LRRC4C: variants seen among roughly 807,000 people sequenced by gnomAD.
LRRC4C encodes leucine-rich repeat-containing protein 4C.
In LRRC4C, 5 loss-of-function variants were observed where a neutral mutation model predicts 33.6. The observed-to-expected ratio is 0.15, with a 90% CI of 0.08 to 0.31. The LOEUF is 0.31. Ranked by LOEUF, LRRC4C falls within the 10% of genes least tolerant of loss-of-function variation. The probability of loss-of-function intolerance (pLI) is 1.00; values close to 1 mark genes in which losing one functional copy is unlikely to be tolerated. For missense variants in LRRC4C, 560 were observed against 796.7 expected (o/e 0.70, Z 3.58); for synonymous variants, 329 against 302.0 (o/e 1.09, Z -0.93).
chr11:40,313,690 C>G (rs1401648577), intron 4 of LRRC4C, among the ~76,000 whole-genome samples: 3 of 149,088 alleles, frequency 2.0e-5, no homozygotes, highest in Non-Finnish European at 4.4e-5. Flanking sequence ...TCACTGCAAG[C>G]TCCACCTTCC....
At chr11:40,368,845 G>T (rs1948328149) in intron 3 of LRRC4C, among the ~76,000 whole-genome samples, 1 of 152,100 alleles carries the variant, frequency 6.6e-6, no homozygotes. Context: ...TGTAAAAATT[G>T]TGTCACCTTG....
chr11:41,155,692 C>T (rs1301703972), intron 1 of LRRC4C, among the ~76,000 whole-genome samples: 5 of 152,044 alleles, frequency 3.3e-5, no homozygotes, highest in Non-Finnish European at 7.4e-5. Context: ...TTAGGTTGTG[C>T]GTATAGATAC....
intron 5 of LRRC4C, among the ~76,000 whole-genome samples, chr11:40,147,501 T>G (rs1044839501): frequency 6.6e-5 from 10 of 152,104 alleles, no homozygotes; most frequent in Non-Finnish European, 1.3e-4. Flanking sequence ...ATAGCCTTTC[T>G]TCTGCATTTT....
At chr11:41,042,300 A>T (rs1857489355) in intron 1 of LRRC4C, among the ~76,000 whole-genome samples, 1 of 152,124 alleles carries the variant, frequency 6.6e-6, no homozygotes, top group Non-Finnish European at 1.5e-5. Context: ...CAACCTAGAG[A>T]GCAAATATGC....
chr11:40,120,394 T>A (rs1420998881), intron 6 of LRRC4C, among the ~76,000 whole-genome samples: 4 of 152,118 alleles, frequency 2.6e-5, no homozygotes. Flanking sequence ...CTTTTATATT[T>A]CCATTATCAA....
At chr11:40,206,860 T>A (rs576728819) in intron 5 of LRRC4C, among the ~76,000 whole-genome samples, 2 of 152,238 alleles carry the variant, frequency 1.3e-5, no homozygotes, top group East Asian at 3.9e-4. Flanking sequence ...ATTCATATAC[T>A]CATTAGATTT....
intron 2 of LRRC4C, among the ~76,000 whole-genome samples, chr11:40,913,511 C>T (rs1311594645): frequency 6.6e-6 from 1 of 151,968 alleles, no homozygotes; most frequent in African/African-American, 2.4e-5. Context: ...AGAACAAAGA[C>T]ACAACATACC....
chr11:40,984,041 C>T (rs915707669), intron 1 of LRRC4C, among the ~76,000 whole-genome samples: 2 of 151,972 alleles, frequency 1.3e-5, no homozygotes, highest in African/African-American at 4.8e-5. Context: ...GATGAGCAAG[C>T]TGACCATCTA....
chr11:40,568,503 G>C lies in LRRC4C; in HGVS notation c.-270+79639C>G, dbSNP rs1027716069. ...TGTTGTTGTAAGCCATTAAGTTTTG[G>C]GGTACATTTTCAAATAGCACTAACT... On this transcript the variant is annotated intron_variant, in intron 3 of 6. Coordinates refer to ENST00000528697, the MANE Select transcript of LRRC4C (RefSeq NM_001258419.2). Among the ~76,000 whole-genome samples the C allele has an allele frequency of 3.3e-5, 5 of 152,254 alleles. No individual in the cohort carries two copies. The South Asian group carries it at 6.2e-4, about 19-fold the overall frequency.
intron 3 of LRRC4C, among the ~76,000 whole-genome samples, chr11:40,644,343 C>A (rs1942310349): frequency 1.3e-5 from 2 of 152,148 alleles, no homozygotes. Flanking sequence ...GTTACAGTTA[C>A]TCTGGAAAAC....
intron 1 of LRRC4C, among the ~76,000 whole-genome samples, chr11:41,169,039 A>G (rs1350700561): frequency 6.6e-6 from 1 of 152,210 alleles, no homozygotes; most frequent in Non-Finnish European, 1.5e-5. Flanking sequence ...TGAGATTTTA[A>G]CTAACTTTCT....
At chr11:40,547,580 T>TC (rs1565493588) in intron 3 of LRRC4C, among the ~76,000 whole-genome samples, 1 of 152,040 alleles carries the variant, frequency 6.6e-6, no homozygotes, top group East Asian at 1.9e-4. Flanking sequence ...ATTATAAACC[T>TC]CAGGATACCT....
intron 1 of LRRC4C, among the ~76,000 whole-genome samples, chr11:41,387,254 T>G (rs1953398432): frequency 6.6e-6 from 1 of 151,710 alleles, no homozygotes; most frequent in African/African-American, 2.4e-5. Context: ...ATTTTAGTCC[T>G]CTGAGGACAA....
intron 3 of LRRC4C, among the ~76,000 whole-genome samples, chr11:40,476,931 A>G (rs942651035): frequency 1.3e-4 from 20 of 152,190 alleles, no homozygotes; most frequent in African/African-American, 3.6e-4. Context: ...TCAACTTAAT[A>G]TGCATCAGAG....
intron 4 of LRRC4C, among the ~76,000 whole-genome samples, chr11:40,262,939 C>A (rs1295846178): frequency 6.6e-6 from 1 of 151,564 alleles, no homozygotes; most frequent in African/African-American, 2.4e-5. Flanking sequence ...ATGTAACAAA[C>A]CTGCACATTC....
At chr11:41,213,649 C>G (rs1217621043) in intron 1 of LRRC4C, among the ~76,000 whole-genome samples, 1 of 152,202 alleles carries the variant, frequency 6.6e-6, no homozygotes, top group Non-Finnish European at 1.5e-5. Context: ...TAAATCATAA[C>G]AGACATCACA....
In LRRC4C at chr11:41,325,573, TTTTTTG is replaced by T. The variant is rs774575146; in HGVS notation, c.-496+133852_-496+133857del. Among the ~76,000 whole-genome samples the T allele has an allele frequency of 3.4e-3, 334 of 97,988 alleles. 1 individual carries two copies. The highest frequency in any genetic ancestry group is 5.1e-3 in the Non-Finnish European group (236 of 46,520). The allele number at this position is 97,988 out of a possible 152,430, so 64.3% of individuals were successfully genotyped here. A position where few individuals can be genotyped will look rare whatever the true frequency, so the allele number is the denominator to read the frequency against. On this transcript the variant is annotated intron_variant, in intron 1 of 6. Transcript: ENST00000528697. ...AAAATTATTGTCCTTATAGTTTTTT[TTTTTTG>T]TGTGTGTGTGTGTGTGTGTGTGTGT...
chr11:41,288,466 G>T (rs919836387), intron 1 of LRRC4C, among the ~76,000 whole-genome samples: 1 of 152,184 alleles, frequency 6.6e-6, no homozygotes, highest in East Asian at 1.9e-4. Flanking sequence ...TCAGCAGAGA[G>T]TGTCACTAGG....
chr11:40,422,948 A>G, intron 3 of LRRC4C, among the ~76,000 whole-genome samples: 1 of 152,314 alleles, frequency 6.6e-6, no homozygotes, highest in African/African-American at 2.4e-5. Context: ...AATTTAAATT[A>G]AATAAATAGT....
Sources: allele counts gnomAD v4.1 joint callset (sites outside exome capture counted in the v4.1 genomes callset), GRCh38; gene constraint gnomAD v4.1.1; transcripts MANE v1.5; gene names NCBI Gene and HGNC (gene_info 2026-07-23, HGNC 2026-07-21).